The following SOAT1 variants were observed in gnomAD, a reference collection of about 807,000 sequenced individuals.
SOAT1 encodes the protein acyl-coenzyme A:cholesterol acyltransferase 1.
SOAT1 carries 55 observed loss-of-function variants against 69.5 expected under a neutral mutation model. The observed-to-expected ratio is 0.79, with a 90% CI of 0.64 to 0.99. The LOEUF (loss-of-function observed/expected upper bound fraction) is 0.99. Ranked by LOEUF, SOAT1 falls within the 50% of genes least tolerant of loss-of-function variation. SOAT1 has a pLI of 0.00. For synonymous variants in SOAT1, 231 were observed against 224.7 expected (o/e 1.03, Z -0.25); for missense variants, 580 against 669.3 (o/e 0.87, Z 1.47).
At chr1:179,344,498 C>T (rs966957067) in intron 10 of SOAT1, among the ~76,000 whole-genome samples, 1 of 151,502 alleles carries the variant, frequency 6.6e-6, no homozygotes, top group Non-Finnish European at 1.5e-5. Flanking sequence ...CATCAGCCTC[C>T]TGAGTAGCTG....
At chr1:179,301,901 A>G (rs1664841873) in intron 1 of SOAT1, among the ~76,000 whole-genome samples, 1 of 151,886 alleles carries the variant, frequency 6.6e-6, no homozygotes, top group Non-Finnish European at 1.5e-5. Flanking sequence ...TTTCTGTGAA[A>G]CCTTTACATC....
chr1:179,348,042 G>C (rs1666595770), intron 12 of SOAT1, among the ~76,000 whole-genome samples: 1 of 152,182 alleles, frequency 6.6e-6, no homozygotes, highest in Non-Finnish European at 1.5e-5. Context: ...GTCTAGTTCT[G>C]TAGGAATGAC....
intron 10 of SOAT1, among the ~76,000 whole-genome samples, chr1:179,344,132 A>G (rs1288272573): frequency 1.3e-5 from 2 of 151,998 alleles, no homozygotes; most frequent in Non-Finnish European, 2.9e-5. Context: ...AAAAAAAAAG[A>G]ATGTATTATT....
At position 179,351,299 on chromosome 1, in the gene SOAT1, T is replaced by C. The variant is rs1666722327; in HGVS notation, c.1451-18T>C. 1.2e-5 allele frequency: 20 copies of C among 1,612,664 alleles called. No individual in the cohort carries two copies. The highest frequency in any genetic ancestry group is 1.6e-5 in the Non-Finnish European group (19 of 1,178,966). On this transcript the variant is annotated intron_variant, in intron 14 of 15. Transcript: ENST00000367619. ...CCTCTGATAACTGTATATTTCTTTGTTGCCTTCCTATTTTTAGTGGCTTTC... is the reference window on the plus strand; with the variant it reads ...CCTCTGATAACTGTATATTTCTTTGCTGCCTTCCTATTTTTAGTGGCTTTC...
intron 1 of SOAT1, among the ~76,000 whole-genome samples, chr1:179,299,643 GTTA>G (rs1225954557): frequency 4.0e-5 from 6 of 149,758 alleles, no homozygotes; most frequent in Admixed American, 2.7e-4. Flanking sequence ...AAAATCAGCT[GTTA>G]TTATTCTACT....
chr1:179,315,506 T>A (rs1383792565), intron 2 of SOAT1, among the ~76,000 whole-genome samples: 5 of 152,140 alleles, frequency 3.3e-5, no homozygotes, highest in Non-Finnish European at 2.9e-5. Context: ...CTTTTAGGCA[T>A]TCTTTTGACT....
intron 2 of SOAT1, among the ~76,000 whole-genome samples, chr1:179,311,724 TA>T (rs1158821922): frequency 6.6e-6 from 1 of 152,206 alleles, no homozygotes; most frequent in African/African-American, 2.4e-5. Context: ...TACTTATTTT[TA>T]AAAAACAAAT....
At chr1:179,323,366 T>G in intron 2 of SOAT1, 71 bp from the exon 3 acceptor site, 2 of 1,297,214 alleles carry the variant, frequency 1.5e-6, no homozygotes, top group South Asian at 1.3e-5. Flanking sequence ...GTTTTCAACT[T>G]TATGATTTAG....
At chr1:179,330,984 T>A (rs906907025) in intron 3 of SOAT1, among the ~76,000 whole-genome samples, 1 of 152,182 alleles carries the variant, frequency 6.6e-6, no homozygotes, top group Non-Finnish European at 1.5e-5. Context: ...AAATCAGGGA[T>A]TCTAGTACTA....
At chr1:179,300,618 A>G (rs943388151) in intron 1 of SOAT1, among the ~76,000 whole-genome samples, 2 of 152,196 alleles carry the variant, frequency 1.3e-5, no homozygotes. Context: ...ACCATGTACT[A>G]TATTTCATCC....
At chr1:179,308,491 A>G (rs112898519) in intron 2 of SOAT1, among the ~76,000 whole-genome samples, 6 of 151,900 alleles carry the variant, frequency 3.9e-5, no homozygotes, top group African/African-American at 1.4e-4. Flanking sequence ...GACCAACATG[A>G]TAAAACCCTG....
At chr1:179,335,899 C>T (rs1294207958) in intron 4 of SOAT1, among the ~76,000 whole-genome samples, 1 of 152,178 alleles carries the variant, frequency 6.6e-6, no homozygotes, top group African/African-American at 2.4e-5. Context: ...TGGCTCACGC[C>T]TGTAATCCCA....
chr1:179,349,329 C>CTTTTTT (rs10670085), intron 13 of SOAT1, among the ~76,000 whole-genome samples: 5 of 125,882 alleles, frequency 4.0e-5, no homozygotes, highest in Non-Finnish European at 6.4e-5. Flanking sequence ...TAGAGAAACA[C>CTTTTTT]TTTTTTTTTT....
chr1:179,336,255 T>C (rs1666149526), intron 4 of SOAT1, among the ~76,000 whole-genome samples: 1 of 151,018 alleles, frequency 6.6e-6, no homozygotes, highest in African/African-American at 2.4e-5. Context: ...TTGAGGTCAG[T>C]TGTTTGAGAC....
chr1:179,308,424 C>A lies in SOAT1; in HGVS notation c.118+5622C>A, dbSNP rs1335406731. On this transcript the variant is annotated intron_variant, in intron 2 of 15. Coordinates refer to ENST00000367619, the MANE Select transcript of SOAT1 (RefSeq NM_003101.6). ...CGGTGGCTCACTCCTGTAATCCCAG[C>A]ACTTTGGGAGGCCGAGGCAGGCAGA... 2.0e-5 allele frequency among the ~76,000 whole-genome samples: 3 copies of A among 151,976 alleles called. No homozygotes were observed. The East Asian group carries it at 5.8e-4, about 29-fold the overall frequency.
At chr1:179,341,631 T>G (rs1476830470) in intron 7 of SOAT1, among the ~76,000 whole-genome samples, 1 of 151,198 alleles carries the variant, frequency 6.6e-6, no homozygotes, top group African/African-American at 2.4e-5. Context: ...GCCTCCCAGG[T>G]TCAAGTGATT....
intron 14 of SOAT1, among the ~76,000 whole-genome samples, chr1:179,351,053 T>A (rs1666711944): frequency 2.0e-5 from 1 of 49,906 alleles, no homozygotes; most frequent in Non-Finnish European, 4.0e-5. Flanking sequence ...TTTTTTTTTT[T>A]TTTTTTTGAG....
At chr1:179,326,651 G>A (rs192209131) in intron 3 of SOAT1, among the ~76,000 whole-genome samples, 2 of 150,530 alleles carry the variant, frequency 1.3e-5, no homozygotes, top group African/African-American at 4.9e-5. Context: ...TCTGCCTCCC[G>A]GGTTCAAGTG....
At chr1:179,304,365 C>A (rs537203585) in intron 2 of SOAT1, among the ~76,000 whole-genome samples, 1 of 151,630 alleles carries the variant, frequency 6.6e-6, no homozygotes, top group East Asian at 1.9e-4. Context: ...GCAACCTCTG[C>A]CTTCTGGGTT....
Sources: allele counts gnomAD v4.1 joint callset (sites outside exome capture counted in the v4.1 genomes callset), GRCh38; gene constraint gnomAD v4.1.1; transcripts MANE v1.5; gene names NCBI Gene and HGNC (gene_info 2026-07-23, HGNC 2026-07-21).